DACT2: variants seen among roughly 807,000 people sequenced by gnomAD.
DACT2 encodes dapper homolog 2.
Under a neutral mutation model 22.2 loss-of-function variants are expected in DACT2, and 20 were observed. That is an observed-to-expected ratio of 0.90 (90% CI 0.63 to 1.31). The LOEUF (loss-of-function observed/expected upper bound fraction) is 1.31, where lower values mean the gene tolerates loss of function less well. Among genes scored for constraint, DACT2 ranks in the 50% most tolerant of loss-of-function variants. DACT2 has a pLI of 0.00. For missense variants in DACT2, 1,048 were observed against 1,061.4 expected (o/e 0.99, Z 0.18); for synonymous variants, 463 against 479.8 (o/e 0.96, Z 0.46).
rs1374021800 is a variant in DACT2, at chr6:168,310,360, C to G, written c.466G>C (p.Gly156Arg). ...VCSDHISPSL[G>R]SLLPVAQAHK... ...GCCTGGGCCACAGGCAACAAACTGC[C>G]CAGCGAGGGAGAGATGTGGTCACTG... Residue 156 changes from glycine (G) to arginine (R), a missense_variant, in exon 3 of 4, where the codon GGC becomes CGC. Gly to Arg is a moderately radical substitution (Grantham distance 125). Transcript: ENST00000366795. 1.2e-5 allele frequency: 18 copies of G among 1,551,676 alleles called. No individual in the cohort carries two copies. Among genetic ancestry groups the G allele is most frequent in the Non-Finnish European group, 1.6e-5 (18 of 1,146,982 alleles).
At chr6:168,311,673 C>T (rs1779423973) in intron 1 of DACT2, among the ~76,000 whole-genome samples, 1 of 151,804 alleles carries the variant, frequency 6.6e-6, no homozygotes, top group African/African-American at 2.4e-5. Context: ...CACACATATA[C>T]ACACACACTC....
At position 168,311,187 on chromosome 6, in the gene DACT2, C is replaced by T; in HGVS notation, c.344G>A (p.Gly115Glu). 6.5e-7 allele frequency: 1 copy of T among 1,548,262 alleles called. No individual in the cohort carries two copies. The highest frequency in any genetic ancestry group is 2.5e-5 in the East Asian group (1 of 40,814). The change falls in exon 2 of 4, where the codon GGG (glycine) becomes GAG (glutamate). Residue 115 changes from glycine to glutamate, a missense_variant. By Grantham distance (98) the Gly-to-Glu change is moderately conservative. Coordinates refer to ENST00000366795, the MANE Select transcript of DACT2 (RefSeq NM_214462.5). ...KLQLDVGTAS[G>E]EALDSDSRPS... ...CCTGCTGTCGCTGTCCAGGGCCTCC[C>T]CTGAGGCTGTGCCCACATCCAGCTG...
chr6:168,301,108 G>A (rs1460516878), intron 3 of DACT2, among the ~76,000 whole-genome samples: 2 of 152,242 alleles, frequency 1.3e-5, no homozygotes, highest in East Asian at 1.9e-4. Flanking sequence ...CTTGGAGCCC[G>A]TTGTTGCTGT....
chr6:168,315,653 G>A (rs1030523923), intron 1 of DACT2, among the ~76,000 whole-genome samples: 1 of 152,176 alleles, frequency 6.6e-6, no homozygotes, highest in African/African-American at 2.4e-5. Flanking sequence ...AGCACATTGC[G>A]ACAAGCCTTG....
chr6:168,309,904 A>G (rs1325068696), intron 3 of DACT2, among the ~76,000 whole-genome samples: 1 of 152,130 alleles, frequency 6.6e-6, no homozygotes, highest in East Asian at 1.9e-4. Context: ...TTTTTGAAGG[A>G]TTTTTTTAAG....
At chr6:168,315,704 T>G (rs1474835740) in intron 1 of DACT2, among the ~76,000 whole-genome samples, 2 of 152,220 alleles carry the variant, frequency 1.3e-5, no homozygotes. Context: ...TTTAAATCCC[T>G]GCAAATGGTA....
downstream of DACT2, among the ~76,000 whole-genome samples, chr6:168,305,484 C>T (rs1273412886): frequency 2.0e-5 from 3 of 152,198 alleles, no homozygotes; most frequent in Admixed American, 2.0e-4. Flanking sequence ...CAAGCTAGGT[C>T]ACCACGGAGG....
At chr6:168,295,606 G>T (rs968889297) in intron 3 of DACT2, among the ~76,000 whole-genome samples, 6 of 152,206 alleles carry the variant, frequency 3.9e-5, no homozygotes, top group Non-Finnish European at 7.3e-5. Flanking sequence ...GAGGTGCATA[G>T]AATAGAACTA....
At chr6:168,306,840 T>G (rs1779219851), downstream of DACT2, 2 of 965,742 alleles carry the variant, frequency 2.1e-6, no homozygotes, top group Non-Finnish European at 1.2e-6. Flanking sequence ...TGCCCTGTGA[T>G]GGGCAGGCAT....
At chr6:168,303,738 G>C (rs1204650163), downstream of DACT2, among the ~76,000 whole-genome samples, 4 of 152,276 alleles carry the variant, frequency 2.6e-5, no homozygotes, top group East Asian at 7.7e-4. Flanking sequence ...AGAAAACTTT[G>C]CTGGGGTGCC....
downstream of DACT2, among the ~76,000 whole-genome samples, chr6:168,306,657 G>A (rs1037905583): frequency 1.9e-4 from 28 of 148,590 alleles, no homozygotes; most frequent in African/African-American, 7.0e-4. Context: ...TCACCATGTT[G>A]GCCAGGATGG....
chr6:168,311,556 A>ACACACACCCATACACACACC (rs758811607), intron 1 of DACT2, among the ~76,000 whole-genome samples: 1 of 135,004 alleles, frequency 7.4e-6, no homozygotes, highest in African/African-American at 3.1e-5. Context: ...ACACATACAC[A>ACACACACCCATACACACACC]CACTCACACA....
downstream of DACT2, among the ~76,000 whole-genome samples, chr6:168,303,829 G>A (rs774696627): frequency 2.0e-5 from 3 of 151,902 alleles, no homozygotes; most frequent in Admixed American, 6.6e-5. Context: ...AAGTAGGTTG[G>A]GACATTTTCC....
At position 168,308,222 on chromosome 6, in the gene DACT2, C is replaced by T; in HGVS notation, c.1535G>A (p.Arg512Lys). 2 of 1,551,934 alleles carry T rather than the reference C, an allele frequency of 1.3e-6. No individual in the cohort carries two copies. Among genetic ancestry groups the T allele is most frequent in the Non-Finnish European group, 1.7e-6 (2 of 1,147,056 alleles). Residue 512 changes from arginine to lysine, a missense_variant, in exon 4 of 4, where the codon AGG becomes AAG. By Grantham distance (26) the Arg-to-Lys change is conservative. Transcript: ENST00000366795. ...SPMDKVLRFA[R>K]QPLLLLDRPE... ...CCTGTCCAGTAGAAGCAGCGGCTGC[C>T]TTGCAAACCTCAGCACCTTGTCCAT...
At chr6:168,309,377 G>A (rs1442465430) in intron 3 of DACT2, among the ~76,000 whole-genome samples, 2 of 64,318 alleles carry the variant, frequency 3.1e-5, no homozygotes, top group Admixed American at 2.1e-4. Context: ...AGACACAGGC[G>A]TGGGGCCCGT....
In DACT2 at chr6:168,308,270, G is replaced by A; in HGVS notation, c.1487C>T (p.Ala496Val). ...CATGGGACTTCTCTTGATTTTTTCA[G>A]CCTTGCTCTTGGGGGGACCCATTTT... is the stretch of plus-strand genomic sequence containing the variant. ...SLKMGPPKSKAEKIKRSPMDK... is the reference protein window; with the variant it reads ...SLKMGPPKSKVEKIKRSPMDK... The change falls in exon 4 of 4, where the codon GCT becomes GTT. Residue 496 changes from alanine (A) to valine (V), a missense_variant. Physicochemically the swap from Ala to Val is moderately conservative, Grantham distance 64 (BLOSUM62 0). Coordinates refer to ENST00000366795, the MANE Select transcript of DACT2 (RefSeq NM_214462.5). 1 of 1,552,244 alleles carries A rather than the reference G, an allele frequency of 6.4e-7. No individual in the cohort carries two copies. Among genetic ancestry groups the A allele is most frequent in the Non-Finnish European group, 8.7e-7 (1 of 1,147,114 alleles).
At chr6:168,313,569 C>A (rs1779474828) in intron 1 of DACT2, among the ~76,000 whole-genome samples, 1 of 152,164 alleles carries the variant, frequency 6.6e-6, no homozygotes, top group Admixed American at 6.5e-5. Flanking sequence ...AAAGAGGAAG[C>A]CTGGATCCAA....
At chr6:168,311,408 CT>C in intron 1 of DACT2, 124 bp from the exon 2 acceptor site, 2 of 1,250,746 alleles carry the variant, frequency 1.6e-6, no homozygotes, top group Non-Finnish European at 2.1e-6. Context: ...CGAAATACAT[CT>C]TCTAAATCCG....
intron 3 of DACT2, among the ~76,000 whole-genome samples, chr6:168,301,834 C>T (rs548994775): frequency 3.3e-5 from 5 of 152,360 alleles, no homozygotes; most frequent in East Asian, 1.9e-4. Context: ...ACTTCAAAGC[C>T]GGCAGTGGCT....
Sources: allele counts gnomAD v4.1 joint callset (sites outside exome capture counted in the v4.1 genomes callset), GRCh38; gene constraint gnomAD v4.1.1; transcripts MANE v1.5; gene names NCBI Gene and HGNC (gene_info 2026-07-23, HGNC 2026-07-21).